NELL1: variants seen among roughly 807,000 people sequenced by gnomAD.
NELL1 encodes the protein neural EGFL like 1.
In NELL1, 76 loss-of-function variants were observed where a neutral mutation model predicts 107.4. The observed-to-expected ratio is 0.71, with a 90% CI of 0.59 to 0.86. The LOEUF (loss-of-function observed/expected upper bound fraction) is 0.86. Ranked by LOEUF, NELL1 falls within the 40% of genes least tolerant of loss-of-function variation. NELL1 has a pLI of 0.00. For synonymous variants in NELL1, 353 were observed against 341.2 expected (o/e 1.03, Z -0.38); for missense variants, 1,024 against 1,005.5 (o/e 1.02, Z -0.25).
intron 13 of NELL1, among the ~76,000 whole-genome samples, chr11:21,122,013 T>C (rs1034701751): frequency 6.6e-6 from 1 of 152,206 alleles, no homozygotes; most frequent in Non-Finnish European, 1.5e-5. Flanking sequence ...TGAAATTTCA[T>C]GATGAAAATA....
chr11:21,562,575 C>CTTGT, intron 17 of NELL1, among the ~76,000 whole-genome samples: 2 of 152,116 alleles, frequency 1.3e-5, no homozygotes, highest in Middle Eastern at 6.8e-3. Context: ...TGTGGCCCTC[C>CTTGT]TTGTTTCTAT....
intron 4 of NELL1, among the ~76,000 whole-genome samples, chr11:20,884,996 G>A (rs530290918): frequency 2.6e-5 from 4 of 152,316 alleles, no homozygotes; most frequent in African/African-American, 9.6e-5. Context: ...TAAAGAAACC[G>A]AAGTCGGAGA....
chr11:20,749,047 C>G (rs1856073865), intron 2 of NELL1, among the ~76,000 whole-genome samples: 1 of 151,888 alleles, frequency 6.6e-6, no homozygotes. Context: ...GCAGACAAAA[C>G]CTCTACTCTC....
chr11:20,851,153 C>T (rs1848788105), intron 4 of NELL1, among the ~76,000 whole-genome samples: 1 of 152,164 alleles, frequency 6.6e-6, no homozygotes, highest in Non-Finnish European at 1.5e-5. Flanking sequence ...AGAAATTTCC[C>T]AGATAATTCC....
intron 5 of NELL1, among the ~76,000 whole-genome samples, chr11:20,895,271 CAAAAAAAAAAAAAAAAAAAAAAAAAAAA>C (rs1156409312): frequency 5.7e-4 from 6 of 10,488 alleles, no homozygotes; most frequent in Admixed American, 2.5e-3. Context: ...GACTCCGTCT[CAAAAAAAAAAAAAAAAAAAAAAAAAAAA>C]AAAAAAAAAA....
intron 16 of NELL1, among the ~76,000 whole-genome samples, chr11:21,549,205 G>GAC (rs950466548): frequency 6.6e-6 from 1 of 151,872 alleles, no homozygotes; most frequent in African/African-American, 2.4e-5. Context: ...AAGTGGCAAT[G>GAC]ATGTTGATAC....
rs148630004 is a variant in NELL1 at position 21,266,857 on chromosome 11, T to C, written c.1549+37403T>C. The stretch of plus-strand genomic sequence containing the variant: ...TTTAATTAATTAGACTCACCTCAAA[T>C]TTACCATTATAAGAATGTCACACTT... On this transcript the variant is annotated intron_variant, in intron 14 of 19. Transcript: ENST00000357134. Among the ~76,000 whole-genome samples, 121 of 152,202 alleles carry C rather than the reference T, an allele frequency of 7.9e-4. 1 individual carries two copies. Among genetic ancestry groups the C allele is most frequent in the African/African-American group, 2.8e-3 (118 of 41,558 alleles).
chr11:20,957,490 G>C (rs531368573), intron 11 of NELL1, among the ~76,000 whole-genome samples: 13 of 152,032 alleles, frequency 8.6e-5, no homozygotes, highest in African/African-American at 3.1e-4. Context: ...CAAAAAATAC[G>C]AGCTTACAGA....
intron 15 of NELL1, among the ~76,000 whole-genome samples, chr11:21,488,774 A>G (rs2133911723): frequency 6.6e-6 from 1 of 152,306 alleles, no homozygotes; most frequent in South Asian, 2.1e-4. Context: ...AACCTGTGGG[A>G]TACAGCAAAG....
At chr11:21,357,124 G>T (rs538571191) in intron 14 of NELL1, among the ~76,000 whole-genome samples, 1 of 152,166 alleles carries the variant, frequency 6.6e-6, no homozygotes, top group Admixed American at 6.5e-5. Context: ...GTGTGCGCAG[G>T]TGTCTTTTTC....
At position 21,229,313 on chromosome 11, in the gene NELL1, T is replaced by C. The variant is rs780062773; in HGVS notation, c.1427-19T>C. On this transcript the variant is annotated intron_variant, in intron 13 of 19. Transcript: ENST00000357134. ...ACTTAAGAAAAAGTATTTCTCTTTT[T>C]CTCTCACCCTGGAAACAGAACACGA... 7.4e-6 allele frequency: 12 copies of C among 1,613,326 alleles called. No individual in the cohort carries two copies. The African/African-American group carries it at 1.2e-4, about 16-fold the overall frequency.
At chr11:21,251,435 A>C (rs1046398110) in intron 14 of NELL1, among the ~76,000 whole-genome samples, 1 of 152,074 alleles carries the variant, frequency 6.6e-6, no homozygotes, top group African/African-American at 2.4e-5. Flanking sequence ...TAAATCCATA[A>C]TCTTATACAT....
intron 12 of NELL1, among the ~76,000 whole-genome samples, chr11:21,054,700 T>C (rs1025467472): frequency 2.0e-5 from 3 of 152,110 alleles, no homozygotes; most frequent in African/African-American, 7.2e-5. Context: ...ATGTTAAACA[T>C]TTTTGTATGC....
intron 15 of NELL1, among the ~76,000 whole-genome samples, chr11:21,532,377 C>A (rs905308493): frequency 1.3e-5 from 2 of 152,184 alleles, no homozygotes; most frequent in Non-Finnish European, 2.9e-5. Context: ...GCACATCATT[C>A]AACACTTCTG....
At chr11:21,096,019 A>G (rs1854633661) in intron 12 of NELL1, among the ~76,000 whole-genome samples, 1 of 152,162 alleles carries the variant, frequency 6.6e-6, no homozygotes, top group East Asian at 1.9e-4. Flanking sequence ...GAGAACAGCA[A>G]GGGAAAGTCT....
At chr11:21,302,237 A>G (rs1431728003) in intron 14 of NELL1, among the ~76,000 whole-genome samples, 1 of 152,072 alleles carries the variant, frequency 6.6e-6, no homozygotes, top group Non-Finnish European at 1.5e-5. Context: ...ATAGAAGCCC[A>G]TCACAGCCTG....
Position 21,042,939 on chromosome 11 carries a change from C to T in NELL1, c.1301-70650C>T, listed in dbSNP as rs557389153. Among the ~76,000 whole-genome samples the T allele has an allele frequency of 9.2e-5, 14 of 152,030 alleles. No homozygotes were observed. The South Asian group carries it at 1.5e-3, about 16-fold the overall frequency. ...TTTTATTTTTAGTGAATCAACATGT[C>T]TTTTCATAAATTGAGGACATAGAAT... is the stretch of plus-strand genomic sequence containing the variant. On this transcript the variant is annotated intron_variant, in intron 12 of 19. Coordinates refer to ENST00000357134, the MANE Select transcript of NELL1 (RefSeq NM_006157.5).
intron 15 of NELL1, among the ~76,000 whole-genome samples, chr11:21,441,332 TGTG>T (rs1564895251): frequency 0.023 from 2,428 of 104,146 alleles, 63 homozygotes; most frequent in African/African-American, 0.038. Context: ...GGCTGTGACG[TGTG>T]TGTGTGTGTG....
At chr11:21,413,161 A>G (rs1197421029) in intron 15 of NELL1, among the ~76,000 whole-genome samples, 1 of 152,104 alleles carries the variant, frequency 6.6e-6, no homozygotes, top group African/African-American at 2.4e-5. Flanking sequence ...GCTCACTGCC[A>G]CGGTTCTCAG....
Sources: allele counts gnomAD v4.1 joint callset (sites outside exome capture counted in the v4.1 genomes callset), GRCh38; gene constraint gnomAD v4.1.1; transcripts MANE v1.5; gene names NCBI Gene and HGNC (gene_info 2026-07-23, HGNC 2026-07-21).